Variants in MACROD2 observed in about 807,000 individuals in gnomAD.
MACROD2 encodes the protein ADP-ribose glycohydrolase MACROD2.
Under a neutral mutation model 70.4 loss-of-function variants are expected in MACROD2, and 36 were observed. The ratio of observed to expected loss-of-function variants is 0.51; its 90% confidence interval spans 0.39 to 0.68. MACROD2 has a LOEUF of 0.68. Ranked by LOEUF, MACROD2 falls within the 30% of genes least tolerant of loss-of-function variation. The pLI, the probability that MACROD2 is intolerant of heterozygous loss-of-function variation, is 0.00. For synonymous variants in MACROD2, 172 were observed against 178.8 expected (o/e 0.96, Z 0.30); for missense variants, 496 against 538.4 (o/e 0.92, Z 0.78).
At chr20:14,277,276 C>T (rs879580609) in intron 3 of MACROD2, among the ~76,000 whole-genome samples, 4 of 152,046 alleles carry the variant, frequency 2.6e-5, no homozygotes, top group East Asian at 1.9e-4. Flanking sequence ...GGTGAAACCC[C>T]GTCTCTACTA....
At chr20:14,090,863 A>G (rs958399641) in intron 3 of MACROD2, among the ~76,000 whole-genome samples, 1 of 152,168 alleles carries the variant, frequency 6.6e-6, no homozygotes, top group Non-Finnish European at 1.5e-5. Context: ...TTACGTTCCC[A>G]ACAGTGTGCG....
chr20:14,678,961 A>C (rs935369375), intron 4 of MACROD2, among the ~76,000 whole-genome samples: 9 of 152,074 alleles, frequency 5.9e-5, no homozygotes, highest in East Asian at 3.8e-4. Flanking sequence ...AGAAAAAAAA[A>C]AACAACACAT....
chr20:14,977,413 T>C (rs1424773898), intron 5 of MACROD2, among the ~76,000 whole-genome samples: 1 of 150,552 alleles, frequency 6.6e-6, no homozygotes, highest in African/African-American at 2.5e-5. Context: ...TGTTAGTAGG[T>C]AATATTTAAG....
chr20:15,217,533 G>C (rs1349037541), intron 5 of MACROD2, among the ~76,000 whole-genome samples: 2 of 151,942 alleles, frequency 1.3e-5, no homozygotes, highest in East Asian at 3.9e-4. Flanking sequence ...ACATTCTATT[G>C]ATCTTTTTTT....
At chr20:15,985,582 C>A (rs1368029776) in intron 13 of MACROD2, among the ~76,000 whole-genome samples, 1 of 152,220 alleles carries the variant, frequency 6.6e-6, no homozygotes, top group South Asian at 2.1e-4. Flanking sequence ...CGGGGGCCTG[C>A]TATGCGCTGC....
chr20:14,596,606 T>TA (rs576602957), intron 4 of MACROD2, among the ~76,000 whole-genome samples: 130 of 152,194 alleles, frequency 8.5e-4, no homozygotes, highest in African/African-American at 2.9e-3. Context: ...TATTTAACAA[T>TA]AACTTACCAA....
At chr20:15,397,006 G>T (rs2045868560) in intron 6 of MACROD2, among the ~76,000 whole-genome samples, 1 of 152,170 alleles carries the variant, frequency 6.6e-6, no homozygotes, top group African/African-American at 2.4e-5. Flanking sequence ...TTCCCATAGG[G>T]TTATTGAAAG....
At chr20:15,719,674 CATA>C (rs1332203382) in intron 8 of MACROD2, among the ~76,000 whole-genome samples, 2 of 151,996 alleles carry the variant, frequency 1.3e-5, no homozygotes, top group East Asian at 1.9e-4. Context: ...TTTATTGACA[CATA>C]ATAATTGTAC....
chr20:15,967,300 A>G (rs528849523), intron 12 of MACROD2, among the ~76,000 whole-genome samples: 1 of 152,116 alleles, frequency 6.6e-6, no homozygotes. Context: ...GCCTGCTTTT[A>G]TTTTCTTATT....
intron 12 of MACROD2, among the ~76,000 whole-genome samples, chr20:15,965,006 A>G (rs1372708493): frequency 1.3e-5 from 2 of 152,174 alleles, no homozygotes; most frequent in African/African-American, 2.4e-5. Flanking sequence ...AAAGACATGT[A>G]TATTTGTGTG....
At chr20:14,724,989 G>A (rs922852450) in intron 5 of MACROD2, among the ~76,000 whole-genome samples, 6 of 152,260 alleles carry the variant, frequency 3.9e-5, no homozygotes, top group East Asian at 1.9e-4. Context: ...GATTAGATGA[G>A]GGTGGTACTT....
intron 5 of MACROD2, among the ~76,000 whole-genome samples, chr20:15,090,017 GA>G (rs1719818432): frequency 6.6e-6 from 1 of 152,094 alleles, no homozygotes; most frequent in South Asian, 2.1e-4. Flanking sequence ...GCTTTCAGAG[GA>G]GTAGTTTAGA....
chr20:14,789,349 A>C (rs2072418204), intron 5 of MACROD2, among the ~76,000 whole-genome samples: 1 of 151,566 alleles, frequency 6.6e-6, no homozygotes, highest in Non-Finnish European at 1.5e-5. Flanking sequence ...AAGAAATAAG[A>C]TCATTTTGCA....
chr20:15,665,412 A>T (rs1386435021), intron 8 of MACROD2, among the ~76,000 whole-genome samples: 1 of 152,196 alleles, frequency 6.6e-6, no homozygotes, highest in Non-Finnish European at 1.5e-5. Context: ...CCTTACATGT[A>T]AACTACCTAT....
At chr20:14,732,105 T>A (rs2071605726) in intron 5 of MACROD2, among the ~76,000 whole-genome samples, 1 of 152,160 alleles carries the variant, frequency 6.6e-6, no homozygotes, top group South Asian at 2.1e-4. Context: ...AACAAAAAGT[T>A]TGAAAATGAC....
intron 8 of MACROD2, among the ~76,000 whole-genome samples, chr20:15,712,742 G>A (rs2050646180): frequency 1.3e-5 from 2 of 152,158 alleles, no homozygotes; most frequent in Admixed American, 1.3e-4. Context: ...AGCATCACTA[G>A]CCCTGGTAAT....
At chr20:15,325,403 G>A (rs972948333) in intron 6 of MACROD2, among the ~76,000 whole-genome samples, 1 of 152,104 alleles carries the variant, frequency 6.6e-6, no homozygotes, top group Non-Finnish European at 1.5e-5. Context: ...AACATTTGAG[G>A]CTCCCCATCA....
chr20:14,469,401 G>A (rs954386169), intron 3 of MACROD2, among the ~76,000 whole-genome samples: 3 of 151,860 alleles, frequency 2.0e-5, no homozygotes, highest in African/African-American at 7.3e-5. Context: ...TGACGATTAC[G>A]TGTCTTGGGG....
chr20:15,224,733 TCAGCCTGGCCAACATGGTAAGTTCGAGAC>T (rs1383958493), intron 5 of MACROD2, among the ~76,000 whole-genome samples: 1 of 152,038 alleles, frequency 6.6e-6, no homozygotes, highest in Non-Finnish European at 1.5e-5. Flanking sequence ...TCACTTGAGG[TCAGCCTGGCCAACATGGTAAGTTCGAGAC>T]CAGCCTGGCC....
Sources: allele counts gnomAD v4.1 joint callset (sites outside exome capture counted in the v4.1 genomes callset), GRCh38; gene constraint gnomAD v4.1.1; transcripts MANE v1.5; gene names NCBI Gene and HGNC (gene_info 2026-07-23, HGNC 2026-07-21).